The following SHANK2 variants were observed in gnomAD, a reference collection of about 807,000 sequenced individuals.
The protein encoded by SHANK2 is SH3 and multiple ankyrin repeat domains protein 2.
Under a neutral mutation model 133.7 loss-of-function variants are expected in SHANK2, and 43 were observed. The observed-to-expected ratio is 0.32, with a 90% CI of 0.25 to 0.41. The LOEUF (loss-of-function observed/expected upper bound fraction) is 0.41. Ranked by LOEUF, SHANK2 falls within the 10% of genes least tolerant of loss-of-function variation. SHANK2 has a pLI of 1.00. For synonymous variants in SHANK2, 1,017 were observed against 952.8 expected, an observed-to-expected ratio of 1.07 and a Z score of -1.24; for missense variants, 1,994 against 2,235.8, an observed-to-expected ratio of 0.89 and a Z score of 2.18.
intron 17 of SHANK2, among the ~76,000 whole-genome samples, chr11:70,505,072 C>T (rs1346676185): frequency 6.6e-6 from 1 of 152,186 alleles, no homozygotes; most frequent in Non-Finnish European, 1.5e-5. Context: ...AAGAAGTGAA[C>T]ACATAACTTC....
intron 14 of SHANK2, among the ~76,000 whole-genome samples, chr11:70,761,751 G>A (rs1208417510): frequency 6.6e-6 from 1 of 152,252 alleles, no homozygotes; most frequent in Non-Finnish European, 1.5e-5. Context: ...TGCCCATGCT[G>A]TGCTCCATGG....
intron 17 of SHANK2, among the ~76,000 whole-genome samples, chr11:70,598,462 G>C (rs1554990014): frequency 6.6e-6 from 1 of 152,138 alleles, no homozygotes; most frequent in African/African-American, 2.4e-5. Flanking sequence ...AAAACATGAG[G>C]CCCAGATGGC....
chr11:70,491,093 G>A lies in SHANK2; in HGVS notation c.2440-706C>T, dbSNP rs187866915. Among the ~76,000 whole-genome samples, 922 of 152,300 alleles carry A rather than the reference G, an allele frequency of 6.1e-3. 3 individuals carry two copies. Among genetic ancestry groups the A allele is most frequent in the Non-Finnish European group, 8.1e-3 (552 of 68,024 alleles). On this transcript the variant is annotated intron_variant, in intron 22 of 25. Coordinates refer to ENST00000601538, the MANE Select transcript of SHANK2 (RefSeq NM_012309.5). ...GAGTCCTGGTGCTGCCAACTCTTTCGCTTCCCCAGGCTGTTGTTTTGTCTG... is the reference window on the plus strand; with the variant it reads ...GAGTCCTGGTGCTGCCAACTCTTTCACTTCCCCAGGCTGTTGTTTTGTCTG...
chr11:70,780,576 ATT>A (rs35733465), intron 14 of SHANK2, among the ~76,000 whole-genome samples: 1 of 140,868 alleles, frequency 7.1e-6, no homozygotes, highest in Non-Finnish European at 1.5e-5. Flanking sequence ...CTGGTAATGC[ATT>A]TTTTTTTTTT....
chr11:70,558,056 G>C (rs1253908144), intron 17 of SHANK2, among the ~76,000 whole-genome samples: 1 of 152,214 alleles, frequency 6.6e-6, no homozygotes, highest in Non-Finnish European at 1.5e-5. Flanking sequence ...GAGGAGGCGA[G>C]ACCGTGAGGG....
intron 25 of SHANK2, among the ~76,000 whole-genome samples, chr11:70,478,404 G>A (rs1555150663): frequency 6.6e-6 from 1 of 152,204 alleles, no homozygotes; most frequent in East Asian, 1.9e-4. Context: ...CCAGCACTGA[G>A]GCTGGACTTG....
At chr11:71,125,163 G>T (rs1327420661) in intron 3 of SHANK2, among the ~76,000 whole-genome samples, 1 of 152,034 alleles carries the variant, frequency 6.6e-6, no homozygotes, top group African/African-American at 2.4e-5. Context: ...TTGAAATTAG[G>T]TCAAGTAATA....
At chr11:70,630,265 C>T (rs1290577976) in intron 17 of SHANK2, among the ~76,000 whole-genome samples, 1 of 152,230 alleles carries the variant, frequency 6.6e-6, no homozygotes, top group Non-Finnish European at 1.5e-5. Context: ...AGCGATGCCC[C>T]AGGTCCCAGG....
chr11:70,625,708 T>C (rs990927562), intron 17 of SHANK2, among the ~76,000 whole-genome samples: 1 of 149,988 alleles, frequency 6.7e-6, no homozygotes, highest in Non-Finnish European at 1.5e-5. Flanking sequence ...TCTCCTCTTT[T>C]ACTCAGGCCC....
At chr11:70,549,696 T>C (rs1272418921) in intron 17 of SHANK2, among the ~76,000 whole-genome samples, 1 of 152,150 alleles carries the variant, frequency 6.6e-6, no homozygotes, top group Non-Finnish European at 1.5e-5. Context: ...ATGGGACGAA[T>C]GTATTAGGAC....
chr11:71,081,537 A>T (rs1951300853), intron 8 of SHANK2, among the ~76,000 whole-genome samples: 1 of 152,110 alleles, frequency 6.6e-6, no homozygotes, highest in Non-Finnish European at 1.5e-5. Flanking sequence ...GGAGGGCAGG[A>T]TAGAGGACCT....
At chr11:70,526,830 C>T (rs565530024) in intron 17 of SHANK2, among the ~76,000 whole-genome samples, 112 of 151,748 alleles carry the variant, frequency 7.4e-4, no homozygotes, top group Non-Finnish European at 1.4e-3. Context: ...CATGTGCTGC[C>T]GACCTCTGCA....
chr11:70,492,359 G>A lies in SHANK2; in HGVS notation c.2415C>T (p.Cys805=), dbSNP rs1485580888. ...CGTTCATGTCTGAGCCCGCCGGGAAGCACCGGCTGCTGGGCCGCTGCTTGA... is the reference window on the plus strand; with the variant it reads ...CGTTCATGTCTGAGCCCGCCGGGAAACACCGGCTGCTGGGCCGCTGCTTGA... ...ATIKQRPSSR[C]FPAGSDMNSV... is the part of the protein sequence containing the mutation. The change falls in exon 22 of 26, where the codon TGC becomes TGT. Residue 805 remains cysteine, a synonymous_variant. Transcript: ENST00000601538. 7 of 1,612,362 alleles carry A rather than the reference G, an allele frequency of 4.3e-6. No individual in the cohort carries two copies. The highest frequency in any genetic ancestry group is 5.9e-6 in the Non-Finnish European group (7 of 1,180,008).
intron 17 of SHANK2, among the ~76,000 whole-genome samples, chr11:70,613,493 G>A (rs529233341): frequency 5.9e-5 from 9 of 152,098 alleles, no homozygotes; most frequent in Admixed American, 4.6e-4. Context: ...ATGAGCCGCC[G>A]CACCCGGCCA....
intron 11 of SHANK2, among the ~76,000 whole-genome samples, chr11:70,876,191 T>C (rs1388163408): frequency 6.7e-6 from 1 of 149,994 alleles, no homozygotes; most frequent in Non-Finnish European, 1.5e-5. Context: ...TACACACACG[T>C]ATATACATAA....
intron 11 of SHANK2, among the ~76,000 whole-genome samples, chr11:70,826,283 C>T (rs900859266): frequency 2.0e-5 from 3 of 152,200 alleles, no homozygotes; most frequent in African/African-American, 7.2e-5. Context: ...CCTTCCACCG[C>T]GTTATATTCC....
At chr11:71,126,693 C>G (rs573925442) in intron 3 of SHANK2, among the ~76,000 whole-genome samples, 5 of 149,670 alleles carry the variant, frequency 3.3e-5, no homozygotes, top group African/African-American at 1.2e-4. Flanking sequence ...ACATTAAGTT[C>G]GGAAGAAGTT....
chr11:70,605,731 C>T (rs1436380415), intron 17 of SHANK2, among the ~76,000 whole-genome samples: 1 of 152,212 alleles, frequency 6.6e-6, no homozygotes, highest in Non-Finnish European at 1.5e-5. Context: ...AATTGAGTTA[C>T]AGATGCAGAT....
chr11:70,754,200 A>C (rs1454934976), intron 14 of SHANK2, among the ~76,000 whole-genome samples: 4 of 152,098 alleles, frequency 2.6e-5, no homozygotes, highest in Non-Finnish European at 4.4e-5. Flanking sequence ...AGAAGCAGCA[A>C]CACCAACTCT....
Sources: gnomAD v4.1 joint callset for allele counts (sites outside exome capture counted in the v4.1 genomes callset) on GRCh38, gnomAD v4.1.1 for gene constraint, MANE v1.5 for transcripts, NCBI Gene and HGNC (gene_info 2026-07-23, HGNC 2026-07-21) for gene names.